Variants in AGBL1 observed in about 807,000 individuals in gnomAD.
The protein encoded by AGBL1 is AGBL carboxypeptidase 1, also known as cytosolic carboxypeptidase 4.
A neutral mutation model predicts 118.9 loss-of-function variants in AGBL1; 130 were observed. That is an observed-to-expected ratio of 1.09 (90% CI 0.95 to 1.26). The LOEUF (loss-of-function observed/expected upper bound fraction) is 1.26, where lower values mean the gene tolerates loss of function less well. Ranked by LOEUF, AGBL1 falls within the 50% of genes most tolerant of loss-of-function variation. AGBL1 has a pLI of 0.00. For synonymous variants in AGBL1, 555 were observed against 478.9 expected, an observed-to-expected ratio of 1.16 and a Z score of -2.08; for missense variants, 1,584 against 1,298.1, an observed-to-expected ratio of 1.22 and a Z score of -3.38.
chr15:86,264,967 G>A, intron 11 of AGBL1, 129 bp downstream of exon 11: 1 of 944,124 alleles, frequency 1.1e-6, no homozygotes, highest in South Asian at 2.3e-5. Flanking sequence ...GTCAAAGCCT[G>A]TTGGCAAACT....
At chr15:86,443,518 C>G (rs1009481860) in intron 18 of AGBL1, among the ~76,000 whole-genome samples, 1 of 151,920 alleles carries the variant, frequency 6.6e-6, no homozygotes, top group Non-Finnish European at 1.5e-5. Context: ...TTATAGTCAC[C>G]CTACAGTGCT....
intron 19 of AGBL1, among the ~76,000 whole-genome samples, chr15:86,530,794 G>C (rs939611251): frequency 7.6e-6 from 1 of 131,126 alleles, no homozygotes; most frequent in African/African-American, 3.2e-5. Flanking sequence ...TAGAACTCAG[G>C]ATTAAGAATC....
chr15:86,848,083 C>G (rs1404474135), intron 22 of AGBL1, among the ~76,000 whole-genome samples: 1 of 152,088 alleles, frequency 6.6e-6, no homozygotes, highest in Non-Finnish European at 1.5e-5. Flanking sequence ...TTCAGTGAAG[C>G]TTCTGTTTTT....
chr15:86,710,254 A>G (rs2086533147), intron 22 of AGBL1, among the ~76,000 whole-genome samples: 1 of 152,218 alleles, frequency 6.6e-6, no homozygotes, highest in South Asian at 2.1e-4. Flanking sequence ...AACACCAAGT[A>G]TCGATGGATT....
At chr15:86,887,760 A>C (rs780531163) in intron 22 of AGBL1, among the ~76,000 whole-genome samples, 2 of 152,162 alleles carry the variant, frequency 1.3e-5, no homozygotes, top group Non-Finnish European at 2.9e-5. Flanking sequence ...ACCTCACAGA[A>C]GGCAGTGTTA....
chr15:87,015,065 TTCTC>T (rs892636548), intron 24 of AGBL1, among the ~76,000 whole-genome samples: 30 of 152,244 alleles, frequency 2.0e-4, no homozygotes, highest in African/African-American at 7.2e-4. Flanking sequence ...AAAGCATCAA[TTCTC>T]TCTTTCTTCA....
intron 22 of AGBL1, among the ~76,000 whole-genome samples, chr15:86,825,696 G>GGGGGGAGGGAGAAAGCGAGA (rs2079000934): frequency 7.0e-6 from 1 of 142,218 alleles, no homozygotes; most frequent in Non-Finnish European, 1.5e-5. Flanking sequence ...AGAGAGGGAG[G>GGGGGGAGGGAGAAAGCGAGA]GAGGGAGGGA....
intron 22 of AGBL1, among the ~76,000 whole-genome samples, chr15:86,740,891 C>T (rs1011586859): frequency 6.6e-5 from 10 of 151,976 alleles, no homozygotes; most frequent in East Asian, 1.9e-4. Flanking sequence ...ACTGGAATGC[C>T]GCAGGATCCA....
intron 23 of AGBL1, among the ~76,000 whole-genome samples, chr15:86,986,942 G>A (rs2081289951): frequency 6.6e-6 from 1 of 151,978 alleles, no homozygotes; most frequent in African/African-American, 2.4e-5. Flanking sequence ...ATAGGATTTA[G>A]GTAGGTAAAG....
intron 22 of AGBL1, among the ~76,000 whole-genome samples, chr15:86,692,675 G>A (rs1490146060): frequency 6.6e-6 from 1 of 152,056 alleles, no homozygotes. Context: ...AAGTTCTTCA[G>A]TGGTGATTTG....
intron 22 of AGBL1, among the ~76,000 whole-genome samples, chr15:86,860,481 C>G (rs1341890789): frequency 6.6e-6 from 1 of 151,616 alleles, no homozygotes; most frequent in Admixed American, 6.6e-5. Flanking sequence ...CTCTTTCCTA[C>G]CAGCTGAGAA....
chr15:86,764,600 A>C (rs1476931882), intron 22 of AGBL1, among the ~76,000 whole-genome samples: 1 of 152,080 alleles, frequency 6.6e-6, no homozygotes, highest in East Asian at 1.9e-4. Context: ...GTAGGGTAAA[A>C]GTATAATAAA....
At chr15:86,423,443 A>C (rs2081820251) in intron 18 of AGBL1, among the ~76,000 whole-genome samples, 1 of 151,894 alleles carries the variant, frequency 6.6e-6, no homozygotes, top group Non-Finnish European at 1.5e-5. Flanking sequence ...ACTGAATAGC[A>C]AAAGCTGGAA....
chr15:86,146,160 T>C (rs2077031120), intron 3 of AGBL1, among the ~76,000 whole-genome samples: 1 of 152,220 alleles, frequency 6.6e-6, no homozygotes, highest in African/African-American at 2.4e-5. Context: ...AATAGAGCTA[T>C]CTGTATAGTT....
intron 22 of AGBL1, among the ~76,000 whole-genome samples, chr15:86,785,311 CTT>C (rs1320802989): frequency 6.8e-6 from 1 of 147,992 alleles, no homozygotes. Context: ...TCCTTTAGGA[CTT>C]TTTCTGATTC....
chr15:86,099,643 G>A (rs537669384), intron 1 of AGBL1, among the ~76,000 whole-genome samples: 1 of 151,388 alleles, frequency 6.6e-6, no homozygotes, highest in South Asian at 2.1e-4. Flanking sequence ...AGGTTCAAGC[G>A]ATTCTCCTGC....
intron 5 of AGBL1, among the ~76,000 whole-genome samples, chr15:86,205,006 A>G (rs2077968614): frequency 1.3e-5 from 2 of 152,184 alleles, no homozygotes; most frequent in African/African-American, 4.8e-5. Flanking sequence ...AGTGATATGA[A>G]TCTACCATTA....
chr15:86,503,404 A>G (rs753581120), intron 18 of AGBL1, among the ~76,000 whole-genome samples: 6 of 150,192 alleles, frequency 4.0e-5, no homozygotes, highest in Non-Finnish European at 7.4e-5. Flanking sequence ...TGACTTTTCT[A>G]TTGTTTTTCT....
chr15:86,964,556 A>G (rs1464533822), intron 23 of AGBL1, among the ~76,000 whole-genome samples: 2 of 152,020 alleles, frequency 1.3e-5, no homozygotes, highest in African/African-American at 4.8e-5. Flanking sequence ...CCTGAACATG[A>G]ACCACTGACA....
Sources: allele counts gnomAD v4.1 joint callset (sites outside exome capture counted in the v4.1 genomes callset), GRCh38; gene constraint gnomAD v4.1.1; transcripts MANE v1.5; gene names NCBI Gene and HGNC (gene_info 2026-07-23, HGNC 2026-07-21).